The following FHIT variants were observed in gnomAD, a reference collection of about 807,000 sequenced individuals.
The protein encoded by FHIT is bis(5'-adenosyl)-triphosphatase.
In FHIT, 19 loss-of-function variants were observed where a neutral mutation model predicts 17.9. The observed-to-expected ratio is 1.06, with a 90% CI of 0.74 to 1.56. The LOEUF is 1.56. Ranked by LOEUF, FHIT falls within the 40% of genes most tolerant of loss-of-function variation. The pLI, the probability that FHIT is intolerant of heterozygous loss-of-function variation, is 0.00. For synonymous variants in FHIT, 81 were observed against 69.7 expected, an observed-to-expected ratio of 1.16 and a Z score of -0.81; for missense variants, 248 against 189.2, an observed-to-expected ratio of 1.31 and a Z score of -1.82.
intron 3 of FHIT, among the ~76,000 whole-genome samples, chr3:60,869,162 C>A (rs1326589963): frequency 6.6e-6 from 1 of 152,064 alleles, no homozygotes; most frequent in Non-Finnish European, 1.5e-5. Context: ...AAAGATAATA[C>A]CTATTTCACC....
At chr3:60,222,591 C>T (rs1213081766) in intron 5 of FHIT, among the ~76,000 whole-genome samples, 1 of 151,944 alleles carries the variant, frequency 6.6e-6, no homozygotes, top group Non-Finnish European at 1.5e-5. Flanking sequence ...GAGTTCGAGA[C>T]CAGCCTGGCC....
intron 3 of FHIT, among the ~76,000 whole-genome samples, chr3:61,033,315 A>G (rs1400427964): frequency 1.3e-5 from 2 of 152,162 alleles, no homozygotes; most frequent in Non-Finnish European, 2.9e-5. Flanking sequence ...TATAAATTCT[A>G]CTGTCCAATA....
chr3:60,350,441 A>T (rs545246719), intron 5 of FHIT, among the ~76,000 whole-genome samples: 35 of 152,274 alleles, frequency 2.3e-4, no homozygotes, highest in African/African-American at 7.7e-4. Context: ...GGAACCACAA[A>T]TAGCAATTTC....
intron 4 of FHIT, among the ~76,000 whole-genome samples, chr3:60,560,839 ACACACAG>A (rs2036913799): frequency 7.2e-6 from 1 of 137,994 alleles, no homozygotes; most frequent in African/African-American, 2.8e-5. Flanking sequence ...ACACACACAC[ACACACAG>A]AGAGAGAGAG....
intron 3 of FHIT, among the ~76,000 whole-genome samples, chr3:60,978,069 A>T (rs1391056313): frequency 6.6e-6 from 1 of 152,172 alleles, no homozygotes; most frequent in Non-Finnish European, 1.5e-5. Flanking sequence ...GCGGTGTCAA[A>T]GGAAAAGAGA....
chr3:60,483,609 C>G (rs189947464), intron 5 of FHIT, among the ~76,000 whole-genome samples: 7,691 of 152,082 alleles, frequency 0.051, 604 homozygotes, highest in African/African-American at 0.17. Context: ...GCAGAAAAAG[C>G]CTTTGATAAT....
chr3:60,115,116 A>T (rs1002607016), intron 5 of FHIT, among the ~76,000 whole-genome samples: 6 of 152,192 alleles, frequency 3.9e-5, no homozygotes, highest in Non-Finnish European at 8.8e-5. Flanking sequence ...TATCTGGATT[A>T]AAATAGATTT....
At position 60,304,465 on chromosome 3, in the gene FHIT, A is replaced by G. The variant is rs149485003; in HGVS notation, c.103+232395T>C. Among the ~76,000 whole-genome samples, 287 of 152,170 alleles carry G rather than the reference A, an allele frequency of 1.9e-3. 1 individual carries two copies. Among genetic ancestry groups the G allele is most frequent in the African/African-American group, 6.3e-3 (262 of 41,532 alleles). On this transcript the variant is annotated intron_variant, in intron 5 of 9. Coordinates refer to ENST00000492590, the MANE Select transcript of FHIT (RefSeq NM_002012.4). ...CACTCTATGAGCTTTACTGGTATCA[A>G]TGAATTTAATCCTCCCAACAACCTT...
intron 5 of FHIT, among the ~76,000 whole-genome samples, chr3:60,044,852 A>T (rs2106849859): frequency 6.6e-6 from 1 of 152,220 alleles, no homozygotes; most frequent in South Asian, 2.1e-4. Context: ...GACACTGGAA[A>T]GTGTCCCCAT....
intron 5 of FHIT, among the ~76,000 whole-genome samples, chr3:60,068,041 G>A (rs569305718): frequency 6.6e-6 from 1 of 152,176 alleles, no homozygotes; most frequent in South Asian, 2.1e-4. Flanking sequence ...TTTGAGACCA[G>A]CCTGGTCAAC....
At chr3:60,878,487 A>G (rs545381143) in intron 3 of FHIT, among the ~76,000 whole-genome samples, 2 of 151,874 alleles carry the variant, frequency 1.3e-5, no homozygotes, top group East Asian at 3.9e-4. Context: ...TGCCACTACC[A>G]TACCCCTTTT....
intron 3 of FHIT, among the ~76,000 whole-genome samples, chr3:60,895,610 C>T (rs1705750196): frequency 6.6e-6 from 1 of 152,052 alleles, no homozygotes; most frequent in Non-Finnish European, 1.5e-5. Context: ...TTTTCTAGTG[C>T]AAGAAACAGC....
At chr3:59,756,783 C>G (rs1385577859) in intron 8 of FHIT, among the ~76,000 whole-genome samples, 1 of 152,144 alleles carries the variant, frequency 6.6e-6, no homozygotes, top group East Asian at 1.9e-4. Flanking sequence ...ATTTTGTGCA[C>G]TCCAGGGCTT....
chr3:60,955,610 A>ATATATATATATACATATATATATATATG (rs1709093172), intron 3 of FHIT, among the ~76,000 whole-genome samples: 3 of 13,110 alleles, frequency 2.3e-4, no homozygotes, highest in Non-Finnish European at 5.4e-4. Flanking sequence ...ATATATATAT[A>ATATATATATATACATATATATATATATG]TATATATATA....
chr3:59,975,213 C>T (rs75193086), intron 7 of FHIT, among the ~76,000 whole-genome samples: 1,725 of 152,224 alleles, frequency 0.011, 35 homozygotes, highest in African/African-American at 0.039. Context: ...GTTCCTTTCG[C>T]TTTCCATGAA....
intron 5 of FHIT, among the ~76,000 whole-genome samples, chr3:60,040,436 G>A (rs1183285434): frequency 6.6e-6 from 1 of 152,080 alleles, no homozygotes; most frequent in Non-Finnish European, 1.5e-5. Flanking sequence ...GAGCCACCGC[G>A]CCTGGCCTTT....
At position 60,085,467 on chromosome 3, in the gene FHIT, T is replaced by C. The variant is rs182441416; in HGVS notation, c.104-71315A>G. The stretch of plus-strand genomic sequence containing the variant: ...TGATGCATGTGTATATATTCCAAGA[T>C]GTTTAATATTGCTTTCCTGACAGTA... On this transcript the variant is annotated intron_variant, in intron 5 of 9. Coordinates refer to ENST00000492590, the MANE Select transcript of FHIT (RefSeq NM_002012.4). Among the ~76,000 whole-genome samples, 153 of 152,318 alleles carry C rather than the reference T, an allele frequency of 1.0e-3. 1 individual carries two copies. Among genetic ancestry groups the C allele is most frequent in the Admixed American group, 3.2e-3 (49 of 15,298 alleles).
At chr3:60,090,865 G>T (rs928352561) in intron 5 of FHIT, among the ~76,000 whole-genome samples, 1 of 152,180 alleles carries the variant, frequency 6.6e-6, no homozygotes. Context: ...TGAGCTCTGG[G>T]GTCGGGGTAA....
At chr3:60,927,319 G>A (rs1396864995) in intron 3 of FHIT, among the ~76,000 whole-genome samples, 4 of 152,218 alleles carry the variant, frequency 2.6e-5, no homozygotes, top group Non-Finnish European at 5.9e-5. Context: ...TGCCCAGGCT[G>A]GAGTGCAGTG....
Sources: gnomAD v4.1 joint callset for allele counts (sites outside exome capture counted in the v4.1 genomes callset) on GRCh38, gnomAD v4.1.1 for gene constraint, MANE v1.5 for transcripts, NCBI Gene and HGNC (gene_info 2026-07-23, HGNC 2026-07-21) for gene names.